Variants in DLG2 observed in about 807,000 individuals in gnomAD.
DLG2 encodes discs large MAGUK scaffold protein 2, also known as disks large homolog 2.
Under a neutral mutation model 132.5 loss-of-function variants are expected in DLG2, and 45 were observed. That is an observed-to-expected ratio of 0.34 (90% CI 0.27 to 0.44). DLG2 has a LOEUF of 0.44. Among genes scored for constraint, DLG2 ranks in the 20% least tolerant of loss-of-function variants. The pLI, the probability that DLG2 is intolerant of heterozygous loss-of-function variation, is 1.00. For missense variants in DLG2, 1,045 were observed against 1,196.9 expected, an observed-to-expected ratio of 0.87 and a Z score of 1.87; for synonymous variants, 424 against 419.6, an observed-to-expected ratio of 1.01 and a Z score of -0.13.
chr11:84,681,596 T>C (rs2153708390), intron 6 of DLG2, among the ~76,000 whole-genome samples: 1 of 152,298 alleles, frequency 6.6e-6, no homozygotes, highest in South Asian at 2.1e-4. Context: ...ACATGCTGGC[T>C]CTTCCAACCA....
At chr11:85,536,923 T>C (rs1598357185) in intron 3 of DLG2, among the ~76,000 whole-genome samples, 1 of 152,188 alleles carries the variant, frequency 6.6e-6, no homozygotes, top group Admixed American at 6.5e-5. Context: ...TGAATGCCAG[T>C]GAGAGGTGAA....
At chr11:83,521,436 T>G (rs1202139429) in intron 21 of DLG2, among the ~76,000 whole-genome samples, 1 of 152,192 alleles carries the variant, frequency 6.6e-6, no homozygotes, top group Admixed American at 6.5e-5. Context: ...TTCAGTTTAA[T>G]TTGGTGGTTA....
At chr11:84,844,101 ATGTT>A (rs1228134508) in intron 6 of DLG2, among the ~76,000 whole-genome samples, 2 of 79,864 alleles carry the variant, frequency 2.5e-5, no homozygotes, top group South Asian at 3.8e-4. Context: ...ATATATATAT[ATGTT>A]TGTGTGTGTG....
At chr11:84,508,276 T>C (rs2099247460) in intron 7 of DLG2, among the ~76,000 whole-genome samples, 2 of 152,214 alleles carry the variant, frequency 1.3e-5, no homozygotes, top group Admixed American at 6.5e-5. Flanking sequence ...ATAATAAGCA[T>C]AGTTTGGCCT....
chr11:85,258,076 C>T (rs1014341206), intron 4 of DLG2, among the ~76,000 whole-genome samples: 12 of 152,150 alleles, frequency 7.9e-5, no homozygotes, highest in African/African-American at 2.9e-4. Context: ...AGCTAAGGGG[C>T]TTCCTCTTCC....
intron 7 of DLG2, among the ~76,000 whole-genome samples, chr11:84,357,344 C>T (rs2098621509): frequency 1.3e-5 from 2 of 152,006 alleles, no homozygotes; most frequent in South Asian, 2.1e-4. Flanking sequence ...AAAAGGCACA[C>T]AGATGTTTTG....
At chr11:84,663,258 T>C (rs2099696607) in intron 6 of DLG2, among the ~76,000 whole-genome samples, 1 of 149,388 alleles carries the variant, frequency 6.7e-6, no homozygotes, top group Non-Finnish European at 1.5e-5. Flanking sequence ...TATTTTTTTT[T>C]CATATATTCT....
chr11:84,416,252 A>G (rs959205862), intron 7 of DLG2, among the ~76,000 whole-genome samples: 3 of 152,234 alleles, frequency 2.0e-5, no homozygotes, highest in Non-Finnish European at 2.9e-5. Context: ...AGAGAAAGAG[A>G]CTAACATTCA....
chr11:85,424,909 A>T (rs1268138830), intron 3 of DLG2, among the ~76,000 whole-genome samples: 1 of 152,194 alleles, frequency 6.6e-6, no homozygotes, highest in Non-Finnish European at 1.5e-5. Flanking sequence ...TGAGAAATAA[A>T]TTTCTGTTGC....
intron 4 of DLG2, among the ~76,000 whole-genome samples, chr11:85,222,594 A>G (rs1162918936): frequency 6.6e-6 from 1 of 152,196 alleles, no homozygotes; most frequent in African/African-American, 2.4e-5. Context: ...GTCCCCAAAG[A>G]GGTTAATTGG....
At chr11:84,957,145 A>C (rs2051804223) in intron 6 of DLG2, among the ~76,000 whole-genome samples, 1 of 152,186 alleles carries the variant, frequency 6.6e-6, no homozygotes, top group African/African-American at 2.4e-5. Context: ...GATGAACTTA[A>C]AGATAAAATG....
chr11:83,827,057 T>C (rs2040310), intron 17 of DLG2, among the ~76,000 whole-genome samples: 110,170 of 151,916 alleles, frequency 0.73, 41,337 homozygotes, highest in African/African-American at 0.92. Context: ...CAAGGTTCCT[T>C]CATGGGACCG....
intron 6 of DLG2, among the ~76,000 whole-genome samples, chr11:84,702,237 T>C (rs1211206077): frequency 6.6e-6 from 1 of 151,632 alleles, no homozygotes; most frequent in Non-Finnish European, 1.5e-5. Flanking sequence ...GCTGGGATTT[T>C]TGACCTTGTG....
chr11:83,472,728 T>G lies in DLG2; in HGVS notation c.2343A>C (p.Glu781Asp). 1.2e-6 allele frequency: 2 copies of G among 1,611,296 alleles called. No homozygotes were observed. Among genetic ancestry groups the G allele is most frequent in the East Asian group, 2.2e-5 (1 of 44,826 alleles). The change falls in exon 23 of 28, where the codon GAA (glutamate) becomes GAC (aspartate). Residue 781 changes from glutamate (E) to aspartate (D), a missense_variant and splice_region_variant. Around this residue, in one of 4 missense-constraint regions of DLG2, gnomAD observed 398 missense variants for 543.6 expected, o/e 0.73. Coordinates refer to ENST00000376104, the MANE Select transcript of DLG2 (RefSeq NM_001142699.3). Reference protein sequence around the residue: ...ILSYEPVTRQEINYTRPVIIL... With the variant: ...ILSYEPVTRQDINYTRPVIIL... ...ATGAAAGCGTGCTGGGAAACTTACT[T>G]TCCTGCCTTGTAACAGGCTCATAGG...
intron 16 of DLG2, among the ~76,000 whole-genome samples, chr11:83,846,826 CT>C (rs1228343581): frequency 6.6e-6 from 1 of 151,726 alleles, no homozygotes; most frequent in East Asian, 1.9e-4. Flanking sequence ...CAAGTTCCAC[CT>C]CAATTTGTTT....
chr11:85,237,261 C>G (rs2075635936), intron 4 of DLG2, among the ~76,000 whole-genome samples: 1 of 151,584 alleles, frequency 6.6e-6, no homozygotes. Flanking sequence ...TGCTAAATGG[C>G]AAAAAGGAGG....
intron 3 of DLG2, among the ~76,000 whole-genome samples, 161 bp from the exon 4 acceptor site, chr11:85,285,526 T>C (rs987273437): frequency 3.9e-5 from 6 of 152,022 alleles, no homozygotes; most frequent in African/African-American, 1.4e-4. Context: ...GAAAATTATC[T>C]TTTTACCTGC....
At chr11:85,332,700 T>G (rs2081848832) in intron 3 of DLG2, among the ~76,000 whole-genome samples, 1 of 152,154 alleles carries the variant, frequency 6.6e-6, no homozygotes, top group African/African-American at 2.4e-5. Context: ...CAGAACCATT[T>G]ATTGAATAGG....
At chr11:83,690,282 C>G (rs891459728) in intron 18 of DLG2, among the ~76,000 whole-genome samples, 9 of 151,042 alleles carry the variant, frequency 6.0e-5, no homozygotes, top group Non-Finnish European at 8.9e-5. Flanking sequence ...GAAGCACAGA[C>G]CAAGCACTAA....
Sources: allele counts gnomAD v4.1 joint callset (sites outside exome capture counted in the v4.1 genomes callset), GRCh38; gene constraint gnomAD v4.1.1; regional missense constraint gnomAD v4.1.1; transcripts MANE v1.5; gene names NCBI Gene and HGNC (gene_info 2026-07-23, HGNC 2026-07-21).